The following AFF1 variants were observed in gnomAD, a reference collection of about 807,000 sequenced individuals.
The protein encoded by AFF1 is ALF transcription elongation factor 1.
Under a neutral mutation model 121.7 loss-of-function variants are expected in AFF1, and 48 were observed. The ratio of observed to expected loss-of-function variants is 0.39; its 90% CI spans 0.31 to 0.50. AFF1 has a LOEUF of 0.50. AFF1 is among the 20% of genes least tolerant of loss of function. The pLI is 0.76. For synonymous variants in AFF1, 613 were observed against 563.0 expected, an observed-to-expected ratio of 1.09 and a Z score of -1.26; for missense variants, 1,523 against 1,511.7, an observed-to-expected ratio of 1.01 and a Z score of -0.12.
intron 11 of AFF1, among the ~76,000 whole-genome samples, chr4:87,109,845 C>G (rs1324010045): frequency 2.6e-5 from 4 of 152,268 alleles, no homozygotes; most frequent in East Asian, 1.9e-4. Context: ...TTTAAAATCA[C>G]TTTAATAAAA....
In AFF1 at chr4:87,135,694, C is replaced by T. The variant is rs1355856202; in HGVS notation, c.3650C>T (p.Thr1217Ile). Residue 1217 changes from threonine (T) to isoleucine (I), a missense_variant, in exon 21 of 21, where the codon ACA becomes ATA. By Grantham distance (89) the Thr-to-Ile change is moderately conservative. Around this residue, in one of 5 missense-constraint regions of AFF1, gnomAD observed 241 missense variants for 265.2 expected, o/e 0.91. Transcript: ENST00000395146. ...CAGCAGCTACAAGAATTAACCAAAA[C>T]ACCTTAATGGAGCCCCAGGTTGATT... Reference protein sequence around the residue: ...GFQQLQELTKTP With the variant: ...GFQQLQELTKIP The T allele has an allele frequency of 6.8e-6, 11 of 1,611,384 alleles. No homozygotes were observed. Among genetic ancestry groups the T allele is most frequent in the Non-Finnish European group, 9.3e-6 (11 of 1,178,904 alleles).
At chr4:87,134,762 T>C in intron 20 of AFF1, 68 bp downstream of exon 20, 5 of 1,334,866 alleles carry the variant, frequency 3.7e-6, no homozygotes, top group Non-Finnish European at 5.2e-6. Flanking sequence ...CATTGGTTTA[T>C]ATTTTATAAG....
At chr4:87,097,388 C>G (rs1236880026) in intron 8 of AFF1, among the ~76,000 whole-genome samples, 1 of 152,162 alleles carries the variant, frequency 6.6e-6, no homozygotes, top group African/African-American at 2.4e-5. Context: ...ACTCCAATTT[C>G]CATCAGCTTT....
rs888152222 is a variant in AFF1 at position 87,125,027 on chromosome 4, A to T, written c.2467-10A>T. ...GGTAATAATTTGCTTTGCTGATTATACTGTAATAGGGTGAAGCAGAAAGAG... is the reference window on the plus strand; with the variant it reads ...GGTAATAATTTGCTTTGCTGATTATTCTGTAATAGGGTGAAGCAGAAAGAG... On this transcript the variant is annotated splice_polypyrimidine_tract_variant and intron_variant, in intron 12 of 20. Transcript: ENST00000395146. 8 of 1,572,638 alleles carry T rather than the reference A, an allele frequency of 5.1e-6. No homozygotes were observed. The highest frequency in any genetic ancestry group is 6.9e-6 in the Non-Finnish European group (8 of 1,160,150).
At position 87,007,539 on chromosome 4, in the gene AFF1, C is replaced by T; in HGVS notation, c.39-38627C>T. 1.5e-5 allele frequency: 20 copies of T among 1,367,482 alleles called. No individual in the cohort carries two copies. In the South Asian group the frequency reaches 2.0e-4, roughly 14 times the overall value. 84.7% of individuals were successfully genotyped at this position (1,367,482 alleles called of 1,614,324 possible). A position where few individuals can be genotyped will look rare whatever the true frequency, so the allele number is the denominator to read the frequency against. On this transcript the variant is annotated intron_variant, in intron 2 of 20. Transcript: ENST00000395146. Reference sequence around the variant, plus strand: ...CGGACAGGAAGCAGCTTTGTCATTGCCTTCTCATCATTCCCGAGGCTGTGG... The same window carrying T: ...CGGACAGGAAGCAGCTTTGTCATTGTCTTCTCATCATTCCCGAGGCTGTGG...
intron 6 of AFF1, 77 bp downstream of exon 6, chr4:87,090,147 T>C: frequency 8.4e-7 from 1 of 1,186,248 alleles, no homozygotes; most frequent in Non-Finnish European, 1.2e-6. Flanking sequence ...GGCAGATTGA[T>C]AAAGTATTAC....
chr4:86,997,660 G>C (rs1194456444), intron 2 of AFF1, among the ~76,000 whole-genome samples: 1 of 151,976 alleles, frequency 6.6e-6, no homozygotes, highest in Non-Finnish European at 1.5e-5. Flanking sequence ...TACTTGGGAG[G>C]CTGAGGCAGG....
chr4:87,111,940 T>A (rs1241736037), intron 11 of AFF1, among the ~76,000 whole-genome samples: 1 of 152,130 alleles, frequency 6.6e-6, no homozygotes, highest in Non-Finnish European at 1.5e-5. Flanking sequence ...GTTTTGAGGG[T>A]TGGGGGGGAA....
chr4:87,009,318 TCCTC>T (rs1458645944), intron 2 of AFF1, among the ~76,000 whole-genome samples: 1 of 152,204 alleles, frequency 6.6e-6, no homozygotes, highest in Non-Finnish European at 1.5e-5. Flanking sequence ...TTTGCACACT[TCCTC>T]CCTTATGCTT....
intron 11 of AFF1, among the ~76,000 whole-genome samples, chr4:87,109,018 A>T (rs1361066635): frequency 6.6e-6 from 1 of 152,204 alleles, no homozygotes; most frequent in East Asian, 1.9e-4. Context: ...AATTGTTAGT[A>T]ACATCTAACA....
At chr4:86,992,191 A>G (rs1162360883) in intron 2 of AFF1, among the ~76,000 whole-genome samples, 2 of 152,160 alleles carry the variant, frequency 1.3e-5, no homozygotes, top group Non-Finnish European at 2.9e-5. Flanking sequence ...GCAGGGTCAT[A>G]TCTCAGTCCC....
At chr4:86,975,073 T>C (rs1297461627) in intron 2 of AFF1, among the ~76,000 whole-genome samples, 4 of 152,108 alleles carry the variant, frequency 2.6e-5, no homozygotes, top group African/African-American at 4.8e-5. Flanking sequence ...TACGCACTTA[T>C]CTCTTTAGTG....
chr4:86,987,386 C>T (rs1724372652), intron 2 of AFF1, among the ~76,000 whole-genome samples: 1 of 152,176 alleles, frequency 6.6e-6, no homozygotes, highest in Admixed American at 6.5e-5. Context: ...GCTCTGTACC[C>T]TCTTCCAGAC....
intron 2 of AFF1, among the ~76,000 whole-genome samples, chr4:86,952,865 T>TTTTATTTATTTA (rs200677248): frequency 6.9e-6 from 1 of 145,662 alleles, no homozygotes. Flanking sequence ...ATTTTGTATT[T>TTTTATTTATTTA]TTTATTTATT....
chr4:87,015,595 C>T (rs1196505036), intron 2 of AFF1, among the ~76,000 whole-genome samples: 2 of 152,166 alleles, frequency 1.3e-5, no homozygotes. Context: ...TTTGATAATT[C>T]TGTCACTGCT....
chr4:87,139,043 T>C lies in AFF1; in HGVS notation c.*3342T>C, dbSNP rs1384986730. 7 of 225,026 alleles carry C rather than the reference T, an allele frequency of 3.1e-5. No homozygotes were observed. The highest frequency in any genetic ancestry group is 1.6e-4 in the African/African-American group (7 of 44,948). The allele number at this position is 225,026 out of a possible 1,614,324, so 13.9% of individuals were successfully genotyped here. A position where few individuals can be genotyped will look rare whatever the true frequency, so the allele number is the denominator to read the frequency against. On this transcript the variant is annotated 3_prime_UTR_variant, in exon 21 of 21. Transcript: ENST00000395146. Reference sequence around the variant, plus strand: ...TCAGGAGCTTACTGTTTTATTATGATTCATCTTCAGTAATTTTTAGAAGCA... The same window carrying C: ...TCAGGAGCTTACTGTTTTATTATGACTCATCTTCAGTAATTTTTAGAAGCA...
At chr4:87,084,272 C>T in intron 5 of AFF1, 108 bp downstream of exon 5, 2 of 1,203,662 alleles carry the variant, frequency 1.7e-6, no homozygotes, top group Non-Finnish European at 1.2e-6. Flanking sequence ...GGTGCGGTGG[C>T]TCATGCCTGT....
chr4:87,033,791 C>T (rs768482928), intron 2 of AFF1, among the ~76,000 whole-genome samples: 1 of 152,020 alleles, frequency 6.6e-6, no homozygotes, highest in Non-Finnish European at 1.5e-5. Context: ...TTCTTCATAA[C>T]TGCCTGTTTT....
intron 18 of AFF1, among the ~76,000 whole-genome samples, 188 bp downstream of exon 18, chr4:87,132,052 G>A (rs1029619180): frequency 6.6e-6 from 1 of 152,126 alleles, no homozygotes. Flanking sequence ...TTTTCTGATG[G>A]CTTGGTAAAT....
Sources: gnomAD v4.1 joint callset for allele counts (sites outside exome capture counted in the v4.1 genomes callset) on GRCh38, gnomAD v4.1.1 for gene constraint, gnomAD v4.1.1 regional missense constraint, MANE v1.5 for transcripts, NCBI Gene and HGNC (gene_info 2026-07-23, HGNC 2026-07-21) for gene names.